MRPL20: variants seen among roughly 807,000 people sequenced by gnomAD.
MRPL20 encodes large ribosomal subunit protein bL20m.
In MRPL20, 21 loss-of-function variants were observed where a neutral mutation model predicts 20.0. The ratio of observed to expected loss-of-function variants is 1.05; its 90% CI spans 0.74 to 1.51. The LOEUF (loss-of-function observed/expected upper bound fraction) is 1.51. Among genes scored for constraint, MRPL20 ranks in the 40% most tolerant of loss-of-function variants. The pLI, the probability that MRPL20 is intolerant of heterozygous loss-of-function variation, is 0.00. For synonymous variants in MRPL20, 104 were observed against 73.0 expected, an observed-to-expected ratio of 1.43 and a Z score of -2.17; for missense variants, 252 against 185.6, an observed-to-expected ratio of 1.36 and a Z score of -2.08.
chr1:1,404,504 C>CTT (rs923907663), intron 3 of MRPL20, among the ~76,000 whole-genome samples: 205 of 143,000 alleles, frequency 1.4e-3, no homozygotes, highest in African/African-American at 4.8e-3. Context: ...TTTTTCTACA[C>CTT]TTTTTTTTTT....
Position 1,402,105 on chromosome 1 carries a change from G to GA in MRPL20, c.427dup (p.Ser143PhefsTer37), listed in dbSNP as rs1645335867. The GA allele has an allele frequency of 1.9e-6, 3 of 1,613,898 alleles. No homozygotes were observed. Among genetic ancestry groups the GA allele is most frequent in the African/African-American group, 1.3e-5 (1 of 74,916 alleles). On this transcript the variant is annotated frameshift_variant, in exon 4 of 4. Coordinates refer to ENST00000344843, the MANE Select transcript of MRPL20 (RefSeq NM_017971.4). LOFTEE classifies it high-confidence loss of function. ...TCCTCAGTGGTACTGCACCACTCTG[G>GA]AAAAAATGCCTTCAGGTTCCTTCCC... is the stretch of plus-strand genomic sequence containing the variant.
At chr1:1,404,762 G>T (rs544572710) in intron 3 of MRPL20, among the ~76,000 whole-genome samples, 2 of 152,236 alleles carry the variant, frequency 1.3e-5, no homozygotes, top group African/African-American at 4.8e-5. Context: ...GCCTTCCAAA[G>T]TGTTGGGATG....
Position 1,407,192 on chromosome 1 carries a change from C to G in MRPL20, c.26G>C (p.Trp9Ser). The change falls in exon 1 of 4, where the codon TGG (tryptophan) becomes TCG (serine). Residue 9 changes from tryptophan to serine, a missense_variant. Coordinates refer to ENST00000344843, the MANE Select transcript of MRPL20 (RefSeq NM_017971.4). ...GCGGTCGGTGACGCGATTCCGCAGC[C>G]AGAGCTGCGCGGTGAGGAAGACCAT... MVFLTAQL[W>S]LRNRVTDRYF... is the part of the protein sequence containing the mutation. 1.2e-6 allele frequency: 2 copies of G among 1,605,968 alleles called. No individual in the cohort carries two copies. Among genetic ancestry groups the G allele is most frequent in the Non-Finnish European group, 1.7e-6 (2 of 1,176,668 alleles).
At chr1:1,404,526 A>G (rs1441918771) in intron 3 of MRPL20, among the ~76,000 whole-genome samples, 1 of 149,490 alleles carries the variant, frequency 6.7e-6, no homozygotes, top group African/African-American at 2.5e-5. Context: ...TTTGAGACAG[A>G]GTCTCACTCT....
rs759286195 is a variant in MRPL20 at position 1,402,134 on chromosome 1, C to G, written c.399G>C (p.Gly133=). The G allele has an allele frequency of 1.3e-5, 21 of 1,614,184 alleles. No homozygotes were observed. Among genetic ancestry groups the G allele is most frequent in the Non-Finnish European group, 1.8e-5 (21 of 1,180,030 alleles). The change falls in exon 4 of 4, where the codon GGG becomes GGC. Residue 133 remains glycine, a synonymous_variant. Coordinates refer to ENST00000344843, the MANE Select transcript of MRPL20 (RefSeq NM_017971.4). ...RRHEGFAAAL[G]DGKEPEGIFS... Reference sequence around the variant, plus strand: ...AAATGCCTTCAGGTTCCTTCCCATCCCCCAAGGCAGCAGCAAATCCTTCGT... The same window carrying G: ...AAATGCCTTCAGGTTCCTTCCCATCGCCCAAGGCAGCAGCAAATCCTTCGT...
At chr1:1,402,699 C>A (rs1457221874) in intron 3 of MRPL20, 4 of 894,832 alleles carry the variant, frequency 4.5e-6, no homozygotes, top group Non-Finnish European at 5.4e-6. Flanking sequence ...AATTCAGCTA[C>A]CAAGGCAGGG....
chr1:1,404,732 C>T (rs1570067775), intron 3 of MRPL20, among the ~76,000 whole-genome samples: 1 of 152,146 alleles, frequency 6.6e-6, no homozygotes, highest in African/African-American at 2.4e-5. Context: ...ATATCCTGAC[C>T]TCATGATCTG....
At chr1:1,403,477 C>T (rs1482771670) in intron 3 of MRPL20, among the ~76,000 whole-genome samples, 2 of 151,862 alleles carry the variant, frequency 1.3e-5, no homozygotes, top group Admixed American at 6.6e-5. Context: ...CTCCTGACCT[C>T]GTGATCCACC....
intron 2 of MRPL20, chr1:1,406,626 G>A (rs1370058222): frequency 4.2e-6 from 2 of 478,016 alleles, no homozygotes; most frequent in East Asian, 8.0e-5. Context: ...GAGCAGCAGC[G>A]ACTAGGGCGG....
At chr1:1,407,075 T>A (rs370783364) in intron 1 of MRPL20, 56 bp from the exon 2 acceptor site, 11 of 1,608,500 alleles carry the variant, frequency 6.8e-6, no homozygotes, top group African/African-American at 2.7e-5. Context: ...CGGCCGCCCC[T>A]TGGCCCGCGG....
chr1:1,402,448 G>A (rs1645340865), intron 3 of MRPL20, 192 bp from the exon 4 acceptor site: 1 of 1,363,036 alleles, frequency 7.3e-7, no homozygotes, highest in East Asian at 2.8e-5. Flanking sequence ...TGTGGACACG[G>A]GTGAGGGAAG....
intron 3 of MRPL20, 88 bp downstream of exon 3, chr1:1,405,721 C>T (rs1443484609): frequency 6.2e-7 from 1 of 1,610,252 alleles, no homozygotes. Context: ...TCCTGATTAG[C>T]TGGGACTACA....
rs1645334031 is a variant in MRPL20, at chr1:1,401,982, C to T, written c.*101G>A. The T allele has an allele frequency of 7.6e-7, 1 of 1,311,848 alleles. No homozygotes were observed. 81.3% of individuals were successfully genotyped at this position (1,311,848 alleles called of 1,614,324 possible). ...AGGCTCTGTCCCAGAGAGACAGGGCCATCCCTCATGTCTGTTATTGGGTTG... is the reference window on the plus strand; with the variant it reads ...AGGCTCTGTCCCAGAGAGACAGGGCTATCCCTCATGTCTGTTATTGGGTTG... On this transcript the variant is annotated 3_prime_UTR_variant, in exon 4 of 4. Coordinates refer to ENST00000344843, the MANE Select transcript of MRPL20 (RefSeq NM_017971.4).
chr1:1,406,063 A>G, intron 2 of MRPL20, 177 bp from the exon 3 acceptor site: 2 of 932,826 alleles, frequency 2.1e-6, no homozygotes, highest in Non-Finnish European at 1.5e-6. Flanking sequence ...AATTAAAAAC[A>G]GCAAAAACCC....
intron 2 of MRPL20, chr1:1,406,332 A>T (rs1012074652): frequency 6.8e-5 from 12 of 177,014 alleles, no homozygotes; most frequent in African/African-American, 2.9e-4. Flanking sequence ...CCTGGGTGAC[A>T]GCGCGAGACT....
intron 2 of MRPL20, chr1:1,406,604 C>T (rs1244547109): frequency 7.2e-6 from 3 of 418,754 alleles, no homozygotes; most frequent in Non-Finnish European, 1.3e-5. Flanking sequence ...AGGGAAGCCA[C>T]CGGAGGGATG....
At chr1:1,405,632 C>G in intron 3 of MRPL20, 177 bp downstream of exon 3, 1 of 1,143,148 alleles carries the variant, frequency 8.7e-7, no homozygotes. Context: ...ATATTGATAC[C>G]ACACTTAACA....
At chr1:1,403,566 A>G (rs1283435958) in intron 3 of MRPL20, among the ~76,000 whole-genome samples, 2 of 152,036 alleles carry the variant, frequency 1.3e-5, no homozygotes, top group African/African-American at 4.8e-5. Flanking sequence ...TCTTAACTAC[A>G]GTTCCCTGAG....
chr1:1,406,868 G>GC (rs761630562), intron 2 of MRPL20, 41 bp downstream of exon 2: 6 of 1,552,760 alleles, frequency 3.9e-6, no homozygotes, highest in Non-Finnish European at 4.4e-6. Flanking sequence ...CGCAGGGGCC[G>GC]CGAGTGCGCT....
Sources: allele counts gnomAD v4.1 joint callset (sites outside exome capture counted in the v4.1 genomes callset), GRCh38; gene constraint gnomAD v4.1.1; transcripts MANE v1.5; gene names NCBI Gene and HGNC (gene_info 2026-07-23, HGNC 2026-07-21).